The following POLE2 variants were observed in gnomAD, a reference collection of about 807,000 sequenced individuals.
POLE2 encodes the protein DNA polymerase epsilon 2, accessory subunit.
POLE2 carries 56 observed loss-of-function variants against 79.4 expected under a neutral mutation model. That is an observed-to-expected ratio of 0.71 (90% confidence interval 0.57 to 0.88). The LOEUF is 0.88. Ranked by LOEUF, POLE2 falls within the 40% of genes least tolerant of loss-of-function variation. The pLI is 0.00. For missense variants in POLE2, 598 were observed against 638.9 expected (o/e 0.94, Z 0.69); for synonymous variants, 212 against 214.0 (o/e 0.99, Z 0.08).
At chr14:49,674,910 T>C (rs984916438) in intron 3 of POLE2, among the ~76,000 whole-genome samples, 3 of 152,110 alleles carry the variant, frequency 2.0e-5, no homozygotes, top group Admixed American at 2.0e-4. Flanking sequence ...GTAAAATGTT[T>C]AGCTTGTGCA....
At chr14:49,659,001 A>AAG (rs1884912522) in intron 10 of POLE2, among the ~76,000 whole-genome samples, 1 of 152,202 alleles carries the variant, frequency 6.6e-6, no homozygotes, top group Admixed American at 6.5e-5. Flanking sequence ...ATTGCCCCTG[A>AAG]AGACTTTCCA....
At chr14:49,667,477 T>C (rs1186764056) in intron 6 of POLE2, among the ~76,000 whole-genome samples, 1 of 152,164 alleles carries the variant, frequency 6.6e-6, no homozygotes, top group African/African-American at 2.4e-5. Flanking sequence ...ATTTAAGTTG[T>C]TCCCAGTTTT....
chr14:49,650,190 A>C (rs1884106605), intron 17 of POLE2, 75 bp downstream of exon 17: 1 of 701,522 alleles, frequency 1.4e-6, no homozygotes, highest in East Asian at 3.3e-5. Context: ...ATCTTATTAA[A>C]TATATATTTT....
chr14:49,682,418 C>T (rs950978000), intron 2 of POLE2, among the ~76,000 whole-genome samples: 1 of 151,308 alleles, frequency 6.6e-6, no homozygotes, highest in South Asian at 2.1e-4. Flanking sequence ...TGGGCGATCA[C>T]CTGAAGTTGG....
chr14:49,655,708 C>G lies in POLE2; in HGVS notation c.891G>C (p.Gln297His). Residue 297 changes from glutamine (Q) to histidine (H), a missense_variant, in exon 11 of 19, where the codon CAG becomes CAC. Coordinates refer to ENST00000216367, the MANE Select transcript of POLE2 (RefSeq NM_002692.4). ...TGCGAAGTTTTTCCAATACTTCCAC[C>G]TGGTCCAACCAAACATCAGATAAAA... ...FVFLSDVWLD[Q>H]VEVLEKLRIM... is the part of the protein sequence containing the mutation. 1 of 1,609,806 alleles carries G rather than the reference C, an allele frequency of 6.2e-7. No individual in the cohort carries two copies. The highest frequency in any genetic ancestry group is 8.5e-7 in the Non-Finnish European group (1 of 1,178,712).
rs375756156 is a variant in POLE2 at position 49,675,206 on chromosome 14, T to A, written c.246-779A>T. Among the ~76,000 whole-genome samples, 20 of 151,838 alleles carry A rather than the reference T, an allele frequency of 1.3e-4. No homozygotes were observed. The East Asian group carries it at 3.3e-3, about 25-fold the overall frequency. On this transcript the variant is annotated intron_variant, in intron 3 of 18. Coordinates refer to ENST00000216367, the MANE Select transcript of POLE2 (RefSeq NM_002692.4). ...TTCAAGAGATTCTCCTGCCTCAGCCTCCCGAGTAGGTGGGATTACAGGCAT... is the reference window on the plus strand; with the variant it reads ...TTCAAGAGATTCTCCTGCCTCAGCCACCCGAGTAGGTGGGATTACAGGCAT...
chr14:49,647,150 C>T, intron 18 of POLE2, 143 bp downstream of exon 18: 2 of 537,180 alleles, frequency 3.7e-6, no homozygotes, highest in Non-Finnish European at 6.7e-6. Flanking sequence ...ACAGCATAAC[C>T]GTGATAAGCT....
chr14:49,648,008 C>T (rs186249309), intron 17 of POLE2, among the ~76,000 whole-genome samples: 27 of 152,286 alleles, frequency 1.8e-4, no homozygotes, highest in Admixed American at 4.6e-4. Context: ...GACTGTGTAA[C>T]GCCAAATATG....
chr14:49,674,060 G>T, intron 5 of POLE2, 63 bp downstream of exon 5: 1 of 980,534 alleles, frequency 1.0e-6, no homozygotes, highest in South Asian at 1.3e-5. Flanking sequence ...TCCCTAAACT[G>T]AAACAGTCTC....
chr14:49,682,623 C>T lies in POLE2; in HGVS notation c.169+970G>A, dbSNP rs114814591. On this transcript the variant is annotated intron_variant, in intron 2 of 18. Coordinates refer to ENST00000216367, the MANE Select transcript of POLE2 (RefSeq NM_002692.4). ...CTGCATTCCAGCCTGGGCGACAGTG[C>T]AAGACTCCTTCTCAGGGAAAAAAAA... Among the ~76,000 whole-genome samples the T allele has an allele frequency of 3.5e-3, 403 of 115,518 alleles. 1 individual carries two copies. Among genetic ancestry groups the T allele is most frequent in the African/African-American group, 0.014 (382 of 28,034 alleles). 75.8% of individuals were successfully genotyped at this position (115,518 alleles called of 152,430 possible).
At chr14:49,658,662 G>A (rs1466386498) in intron 10 of POLE2, among the ~76,000 whole-genome samples, 1 of 152,182 alleles carries the variant, frequency 6.6e-6, no homozygotes, top group Non-Finnish European at 1.5e-5. Flanking sequence ...TAATGGAACT[G>A]AAAAGCTCTT....
chr14:49,672,866 T>C (rs1028438885), intron 5 of POLE2, among the ~76,000 whole-genome samples: 29 of 152,140 alleles, frequency 1.9e-4, no homozygotes, highest in African/African-American at 6.8e-4. Flanking sequence ...TTTTTTACTC[T>C]ATGCAGATGC....
At chr14:49,644,765 C>T (rs1452475535) in intron 18 of POLE2, among the ~76,000 whole-genome samples, 3 of 151,890 alleles carry the variant, frequency 2.0e-5, no homozygotes, top group African/African-American at 7.3e-5. Context: ...AAAGGCTGGG[C>T]GCAGTGGCTC....
intron 6 of POLE2, among the ~76,000 whole-genome samples, chr14:49,669,118 T>C (rs941896245): frequency 4.6e-5 from 7 of 152,206 alleles, no homozygotes; most frequent in Non-Finnish European, 8.8e-5. Flanking sequence ...TCAATAACTG[T>C]GTGTGGTGGT....
At chr14:49,647,747 C>T (rs1266160078) in intron 17 of POLE2, among the ~76,000 whole-genome samples, 5 of 152,112 alleles carry the variant, frequency 3.3e-5, no homozygotes, top group Non-Finnish European at 7.3e-5. Flanking sequence ...CATGAGCCAC[C>T]GTGCCCAGCC....
chr14:49,647,101 A>G, intron 18 of POLE2, 192 bp downstream of exon 18: 1 of 419,914 alleles, frequency 2.4e-6, no homozygotes, highest in Non-Finnish European at 4.3e-6. Flanking sequence ...ATCTATTTCA[A>G]CACAAACGTA....
chr14:49,652,056 G>A (rs1289116338), intron 15 of POLE2, among the ~76,000 whole-genome samples: 12 of 152,206 alleles, frequency 7.9e-5, no homozygotes, highest in African/African-American at 1.9e-4. Context: ...ACTAAATCAC[G>A]AGGGGTCCCT....
At chr14:49,679,826 A>T in intron 2 of POLE2, 26 bp from the exon 3 acceptor site, 1 of 1,386,156 alleles carries the variant, frequency 7.2e-7, no homozygotes, top group Non-Finnish European at 1.0e-6. Flanking sequence ...CAAAGTCAAA[A>T]TTTAAAAACA....
intron 17 of POLE2, among the ~76,000 whole-genome samples, chr14:49,649,753 A>G (rs1300616375): frequency 6.6e-6 from 1 of 152,208 alleles, no homozygotes; most frequent in East Asian, 1.9e-4. Context: ...CTGGCCTAAA[A>G]GTCAATTATA....
Sources: gnomAD v4.1 joint callset for allele counts (sites outside exome capture counted in the v4.1 genomes callset) on GRCh38, gnomAD v4.1.1 for gene constraint, MANE v1.5 for transcripts, NCBI Gene and HGNC (gene_info 2026-07-23, HGNC 2026-07-21) for gene names.